The following USH2A variants were observed in gnomAD, a reference collection of about 807,000 sequenced individuals.
USH2A encodes the protein Usher syndrome 2A (autosomal recessive, mild).
USH2A carries 443 observed loss-of-function variants against 538.9 expected under a neutral mutation model. That is an observed-to-expected ratio of 0.82 (90% CI 0.76 to 0.89). The LOEUF (loss-of-function observed/expected upper bound fraction) is 0.89, where lower values mean the gene tolerates loss of function less well. USH2A is among the 40% of genes least tolerant of loss of function. USH2A has a pLI of 0.00. For synonymous variants in USH2A, 2,413 were observed against 2,273.5 expected (o/e 1.06, Z -1.75); for missense variants, 6,633 against 6,324.8 (o/e 1.05, Z -1.65).
chr1:216,098,103 T>G (rs939325347), intron 21 of USH2A, among the ~76,000 whole-genome samples: 2 of 148,580 alleles, frequency 1.3e-5, no homozygotes, highest in Admixed American at 6.7e-5. Context: ...GAATGATGCC[T>G]TCCCCCTACC....
At chr1:215,708,910 T>C (rs1659260266) in intron 61 of USH2A, among the ~76,000 whole-genome samples, 1 of 152,198 alleles carries the variant, frequency 6.6e-6, no homozygotes, top group Non-Finnish European at 1.5e-5. Flanking sequence ...GATTATATTA[T>C]CTGGTTTTAA....
intron 38 of USH2A, among the ~76,000 whole-genome samples, chr1:215,918,761 T>C (rs116768116): frequency 0.011 from 1,711 of 152,210 alleles, 18 homozygotes; most frequent in South Asian, 0.024. Flanking sequence ...CATTTGAGAA[T>C]AAAAATTATG....
chr1:216,076,264 T>G (rs1297596187), intron 27 of USH2A, among the ~76,000 whole-genome samples: 1 of 152,212 alleles, frequency 6.6e-6, no homozygotes, highest in Non-Finnish European at 1.5e-5. Flanking sequence ...TTTCAGTGTT[T>G]TGAGACCACT....
intron 64 of USH2A, among the ~76,000 whole-genome samples, chr1:215,662,020 G>C (rs1321383307): frequency 6.6e-6 from 1 of 152,190 alleles, no homozygotes; most frequent in Non-Finnish European, 1.5e-5. Flanking sequence ...GAAGGGGAGA[G>C]TGCATGGATT....
At chr1:215,938,118 A>G (rs879765565) in intron 37 of USH2A, among the ~76,000 whole-genome samples, 22 of 152,244 alleles carry the variant, frequency 1.4e-4, no homozygotes, top group Admixed American at 3.9e-4. Flanking sequence ...TAATTACTCA[A>G]TAATTATGAG....
chr1:215,971,925 C>T (rs766699294), intron 35 of USH2A, among the ~76,000 whole-genome samples: 2 of 151,938 alleles, frequency 1.3e-5, no homozygotes, highest in African/African-American at 2.4e-5. Flanking sequence ...GTGAGAGCAC[C>T]GTCATTTGTA....
chr1:216,329,583 T>A (rs982376138), intron 4 of USH2A, among the ~76,000 whole-genome samples: 1 of 152,096 alleles, frequency 6.6e-6, no homozygotes, highest in African/African-American at 2.4e-5. Flanking sequence ...CCATGCTCAG[T>A]TCTTCCTCTC....
intron 3 of USH2A, among the ~76,000 whole-genome samples, chr1:216,418,129 G>T (rs946638390): frequency 6.6e-6 from 1 of 152,066 alleles, no homozygotes; most frequent in Non-Finnish European, 1.5e-5. Flanking sequence ...AAAGACAGAT[G>T]TAAAAATCAA....
At chr1:215,870,202 T>C (rs913478282) in intron 43 of USH2A, among the ~76,000 whole-genome samples, 5 of 152,204 alleles carry the variant, frequency 3.3e-5, no homozygotes, top group African/African-American at 9.6e-5. Flanking sequence ...GATATTTCAT[T>C]TGAGGCCGTA....
At position 216,078,206 on chromosome 1, in the gene USH2A, G is replaced by A. The variant is rs1383184822; in HGVS notation, c.5455C>T (p.Leu1819=). 6.2e-7 allele frequency: 1 copy of A among 1,613,824 alleles called. No homozygotes were observed. ...GSFISASVNG[L]MKHASESGDQ... is the part of the protein sequence containing the mutation. Reference sequence around the variant, plus strand: ...CCGGACTCCGATGCATGCTTCATCAGTCCATTCACACTTGCTGATATGAAA... The same window carrying A: ...CCGGACTCCGATGCATGCTTCATCAATCCATTCACACTTGCTGATATGAAA... The change falls in exon 27 of 72, where the codon CTG becomes TTG. Residue 1819 remains leucine (L), a synonymous_variant. Transcript: ENST00000307340.
intron 40 of USH2A, among the ~76,000 whole-genome samples, chr1:215,889,659 C>T (rs1284396565): frequency 6.6e-6 from 1 of 152,106 alleles, no homozygotes; most frequent in Non-Finnish European, 1.5e-5. Context: ...GATAAATAAA[C>T]AATGCACAGA....
rs564464786 is a variant in USH2A, at chr1:215,628,329, C to T, written c.15519+485G>A. 5.9e-5 allele frequency among the ~76,000 whole-genome samples: 9 copies of T among 152,186 alleles called. 1 individual carries two copies. In the South Asian group the frequency reaches 1.9e-3, roughly 32 times the overall value. ...TGAGATGGAGTCTCTGTCACCCAGG[C>T]TGGAGTGCAGTGGCGCGGTCTCGGC... On this transcript the variant is annotated intron_variant, in intron 71 of 71. Transcript: ENST00000307340.
intron 49 of USH2A, among the ~76,000 whole-genome samples, chr1:215,808,284 T>C (rs1319156033): frequency 6.6e-6 from 1 of 152,122 alleles, no homozygotes; most frequent in East Asian, 1.9e-4. Context: ...ATTAAGTCAC[T>C]CATACACAGT....
rs116598867 is a variant in USH2A, at chr1:215,811,622, G to T, written c.9739+2114C>A. On this transcript the variant is annotated intron_variant, in intron 49 of 71. Coordinates refer to ENST00000307340, the MANE Select transcript of USH2A (RefSeq NM_206933.4). The stretch of plus-strand genomic sequence containing the variant: ...TGCACTATCCTAAAAAAAACCCTAG[G>T]CTGGGCCAGGTGTGGTGTCTCACAC... Among the ~76,000 whole-genome samples the T allele has an allele frequency of 9.4e-3, 1,433 of 151,920 alleles. 19 individuals carry two copies. Among genetic ancestry groups the T allele is most frequent in the African/African-American group, 0.033 (1,355 of 41,452 alleles).
At chr1:215,806,740 T>G (rs1463204867) in intron 49 of USH2A, among the ~76,000 whole-genome samples, 1 of 152,110 alleles carries the variant, frequency 6.6e-6, no homozygotes, top group Non-Finnish European at 1.5e-5. Flanking sequence ...TGTACAAGAT[T>G]TAAGTGTCAT....
Position 215,744,571 on chromosome 1 carries a change from T to C in USH2A, c.11390-1236A>G, listed in dbSNP as rs1660409973. ...TCTTTACTTTAGAAACAGTGGAATCTAGAGATAACATTACTGAGGAAGCAC... is the reference window on the plus strand; with the variant it reads ...TCTTTACTTTAGAAACAGTGGAATCCAGAGATAACATTACTGAGGAAGCAC... On this transcript the variant is annotated intron_variant, in intron 58 of 71. Transcript: ENST00000307340. 2.0e-5 allele frequency among the ~76,000 whole-genome samples: 3 copies of C among 152,206 alleles called. No homozygotes were observed. The South Asian group carries it at 6.2e-4, about 32-fold the overall frequency.
intron 26 of USH2A, among the ~76,000 whole-genome samples, chr1:216,081,835 C>T (rs1016172288): frequency 6.6e-6 from 1 of 152,028 alleles, no homozygotes; most frequent in Non-Finnish European, 1.5e-5. Flanking sequence ...TCAAGCTACC[C>T]TCCTATAATC....
At chr1:215,660,652 A>G (rs922667504) in intron 64 of USH2A, among the ~76,000 whole-genome samples, 6 of 152,222 alleles carry the variant, frequency 3.9e-5, no homozygotes, top group African/African-American at 1.4e-4. Context: ...TTGTTTTATA[A>G]TTAGTTAAAA....
rs558583889 is a variant in USH2A at position 216,198,858 on chromosome 1, A to G, written c.3812-274T>C. Reference sequence around the variant, plus strand: ...GAAAACAAACCAAAATGGATAACACATAGACAAAAAATAACTACACTTTAT... The same window carrying G: ...GAAAACAAACCAAAATGGATAACACGTAGACAAAAAATAACTACACTTTAT... On this transcript the variant is annotated intron_variant, in intron 17 of 71. Coordinates refer to ENST00000307340, the MANE Select transcript of USH2A (RefSeq NM_206933.4). Among the ~76,000 whole-genome samples the G allele has an allele frequency of 1.8e-4, 27 of 152,314 alleles. 1 individual carries two copies. The South Asian group carries it at 3.3e-3, about 19-fold the overall frequency.
Sources: allele counts gnomAD v4.1 joint callset (sites outside exome capture counted in the v4.1 genomes callset), GRCh38; gene constraint gnomAD v4.1.1; transcripts MANE v1.5; gene names NCBI Gene and HGNC (gene_info 2026-07-23, HGNC 2026-07-21).